The following FOXP1 variants were observed in gnomAD, a reference collection of about 807,000 sequenced individuals.
FOXP1 encodes the protein forkhead box P1, also known as forkhead box protein P1.
FOXP1 carries 15 observed loss-of-function variants against 98.2 expected under a neutral mutation model. The observed-to-expected ratio is 0.15, with a 90% CI of 0.10 to 0.24. The LOEUF (loss-of-function observed/expected upper bound fraction) is 0.24. FOXP1 is among the 10% of genes least tolerant of loss of function. The probability of loss-of-function intolerance (pLI) is 1.00; values close to 1 mark genes in which losing one functional copy is unlikely to be tolerated. For missense variants in FOXP1, 633 were observed against 848.5 expected (o/e 0.75, Z 3.15); for synonymous variants, 371 against 314.5 (o/e 1.18, Z -1.90).
intron 2 of FOXP1, among the ~76,000 whole-genome samples, chr3:71,576,142 C>T (rs1020164068): frequency 2.6e-5 from 4 of 152,202 alleles, no homozygotes; most frequent in Non-Finnish European, 4.4e-5. Context: ...ATGCTAGCCT[C>T]TGATATCTTC....
chr3:71,468,688 A>G (rs1310027380), intron 3 of FOXP1, among the ~76,000 whole-genome samples: 2 of 151,932 alleles, frequency 1.3e-5, no homozygotes, highest in African/African-American at 4.8e-5. Flanking sequence ...CCTTTCCCAA[A>G]TCCCTACCCT....
At chr3:71,460,602 A>T (rs1235958148) in intron 3 of FOXP1, among the ~76,000 whole-genome samples, 1 of 152,018 alleles carries the variant, frequency 6.6e-6, no homozygotes, top group Non-Finnish European at 1.5e-5. Context: ...AGGCTTGGCT[A>T]ACTTTTTTTG....
At chr3:71,510,763 G>A (rs1045291802) in intron 2 of FOXP1, among the ~76,000 whole-genome samples, 6 of 152,148 alleles carry the variant, frequency 3.9e-5, no homozygotes, top group Non-Finnish European at 5.9e-5. Flanking sequence ...AAGTCAGGAC[G>A]GAAAGTGTTC....
intron 2 of FOXP1, among the ~76,000 whole-genome samples, chr3:71,526,124 A>T (rs1170320711): frequency 1.1e-5 from 1 of 94,298 alleles, no homozygotes; most frequent in Non-Finnish European, 2.2e-5. Flanking sequence ...CTGTCTCTAA[A>T]TATATAAATA....
In FOXP1 at chr3:71,326,322, G is replaced by A. The variant is rs569093274; in HGVS notation, c.-72-26442C>T. 1.2e-3 allele frequency among the ~76,000 whole-genome samples: 176 copies of A among 152,238 alleles called. 1 individual carries two copies. The highest frequency in any genetic ancestry group is 1.8e-3 in the Non-Finnish European group (121 of 68,028). On this transcript the variant is annotated intron_variant, in intron 4 of 20. Transcript: ENST00000649528. ...AGAGTTGTCCTGTACATACCCAATG[G>A]GGACTCAATGGGCAAGAAATCCCAA...
chr3:71,093,946 C>T lies in FOXP1; in HGVS notation c.282+18590G>A, dbSNP rs190860876. On this transcript the variant is annotated intron_variant, in intron 7 of 20. Transcript: ENST00000649528. Reference sequence around the variant, plus strand: ...TCAGTAACATTGTTCTCTATCAGTTCCCAAACATTTTGGTAAGAAAGCTGT... The same window carrying T: ...TCAGTAACATTGTTCTCTATCAGTTTCCAAACATTTTGGTAAGAAAGCTGT... Among the ~76,000 whole-genome samples the T allele has an allele frequency of 5.0e-3, 758 of 152,188 alleles. 9 individuals are homozygous for T. Among genetic ancestry groups the T allele is most frequent in the South Asian group, 0.017 (82 of 4,810 alleles).
chr3:71,243,182 G>C (rs1361745850), intron 5 of FOXP1, among the ~76,000 whole-genome samples: 1 of 152,132 alleles, frequency 6.6e-6, no homozygotes, highest in African/African-American at 2.4e-5. Context: ...AGCAGTACTC[G>C]ATCCTGTTTG....
At position 71,130,685 on chromosome 3, in the gene FOXP1, G is replaced by A. The variant is rs557860311; in HGVS notation, c.181-18048C>T. ...CGAAGAGAAAACACACTGGAACATT[G>A]CCCTTTGTAGGCAACCTCAGGGAGG... On this transcript the variant is annotated intron_variant, in intron 6 of 20. Coordinates refer to ENST00000649528, the MANE Select transcript of FOXP1 (RefSeq NM_001349338.3). The A allele has an allele frequency of 7.0e-6, 11 of 1,575,946 alleles. No individual in the cohort carries two copies. In the African/African-American group the frequency reaches 1.3e-4, roughly 19 times the overall value.
intron 2 of FOXP1, among the ~76,000 whole-genome samples, chr3:71,507,303 A>G (rs1201327506): frequency 6.6e-6 from 1 of 152,168 alleles, no homozygotes; most frequent in Non-Finnish European, 1.5e-5. Flanking sequence ...ATCCCTTCCA[A>G]AGAGTAAGGA....
intron 7 of FOXP1, among the ~76,000 whole-genome samples, chr3:71,083,780 T>C (rs927665756): frequency 6.6e-6 from 1 of 152,218 alleles, no homozygotes; most frequent in African/African-American, 2.4e-5. Context: ...GAGGCCAGGC[T>C]AACCCTTGAA....
chr3:71,479,689 AAAAAGAAAAG>A (rs577534734), intron 3 of FOXP1, among the ~76,000 whole-genome samples: 11 of 151,370 alleles, frequency 7.3e-5, no homozygotes, highest in East Asian at 1.9e-4. Context: ...CAAAAAAAAA[AAAAAGAAAAG>A]AAAAGAAAAG....
intron 3 of FOXP1, among the ~76,000 whole-genome samples, chr3:71,439,744 G>A (rs1341683648): frequency 2.0e-5 from 3 of 152,158 alleles, no homozygotes; most frequent in Admixed American, 2.0e-4. Flanking sequence ...AGGAGTTTGA[G>A]ACCAGCCTGG....
chr3:71,041,528 C>G lies in FOXP1; in HGVS notation c.669G>C (p.Met223Ile). Residue 223 changes from methionine (M) to isoleucine (I), a missense_variant, in exon 11 of 21, where the codon ATG (methionine) becomes ATC (isoleucine). By Grantham distance (10) the Met-to-Ile change is conservative. Transcript: ENST00000649528. Reference protein sequence around the residue: ...ALPLQPLAQGMIPTELQQLWK... With the variant: ...ALPLQPLAQGIIPTELQQLWK... ...AGAGCTGCTGCAGTTCTGTTGGAAT[C>G]ATGCCTGAAACAAACAAATTGGATA... is the stretch of plus-strand genomic sequence containing the variant. 1 of 1,613,674 alleles carries G rather than the reference C, an allele frequency of 6.2e-7. No individual in the cohort carries two copies. The highest frequency in any genetic ancestry group is 8.5e-7 in the Non-Finnish European group (1 of 1,179,716).
At chr3:71,176,743 CAAA>C (rs573639526) in intron 6 of FOXP1, among the ~76,000 whole-genome samples, 37 of 75,536 alleles carry the variant, frequency 4.9e-4, no homozygotes, top group East Asian at 1.9e-3. Flanking sequence ...GAGGCTATCT[CAAA>C]AAAAAAAAAA....
intron 3 of FOXP1, among the ~76,000 whole-genome samples, chr3:71,461,052 G>A (rs2088045139): frequency 6.6e-6 from 1 of 152,164 alleles, no homozygotes; most frequent in African/African-American, 2.4e-5. Context: ...ATTCTTAGAC[G>A]TTTTTGTTTG....
chr3:71,291,084 T>C (rs1004784577), intron 5 of FOXP1, among the ~76,000 whole-genome samples: 1 of 152,194 alleles, frequency 6.6e-6, no homozygotes, highest in Admixed American at 6.5e-5. Flanking sequence ...CTTATCCTTT[T>C]ATATTTTCTC....
At chr3:71,007,649 C>T (rs2042973205) in intron 12 of FOXP1, among the ~76,000 whole-genome samples, 1 of 152,156 alleles carries the variant, frequency 6.6e-6, no homozygotes, top group Non-Finnish European at 1.5e-5. Context: ...GTTTTCTTAA[C>T]ATGTTCCAAG....
At chr3:71,375,385 G>GTGA (rs1469165229) in intron 3 of FOXP1, among the ~76,000 whole-genome samples, 2 of 152,186 alleles carry the variant, frequency 1.3e-5, no homozygotes, top group African/African-American at 4.8e-5. Flanking sequence ...ACTAAACAGT[G>GTGA]TGATATGAGC....
At chr3:71,513,157 C>T (rs1428450750) in intron 2 of FOXP1, among the ~76,000 whole-genome samples, 1 of 152,158 alleles carries the variant, frequency 6.6e-6, no homozygotes, top group African/African-American at 2.4e-5. Flanking sequence ...AATGTCTAGA[C>T]ATCTCAGACT....
Sources: gnomAD v4.1 joint callset for allele counts (sites outside exome capture counted in the v4.1 genomes callset) on GRCh38, gnomAD v4.1.1 for gene constraint, MANE v1.5 for transcripts, NCBI Gene and HGNC (gene_info 2026-07-23, HGNC 2026-07-21) for gene names.